Variants in OTOG observed in about 807,000 individuals in gnomAD.
OTOG encodes otogelin.
In OTOG, 296 loss-of-function variants were observed where a neutral mutation model predicts 313.8. That is an observed-to-expected ratio of 0.94 (90% CI 0.86 to 1.04). OTOG has a LOEUF of 1.04. Among genes scored for constraint, OTOG ranks in the 50% least tolerant of loss-of-function variants. OTOG has a pLI of 0.00. For synonymous variants in OTOG, 1,533 were observed against 1,554.9 expected (o/e 0.99, Z 0.33); for missense variants, 3,948 against 3,840.1 (o/e 1.03, Z -0.74).
intron 31 of OTOG, among the ~76,000 whole-genome samples, chr11:17,601,377 C>G (rs2134073562): frequency 6.6e-6 from 1 of 151,912 alleles, no homozygotes; most frequent in East Asian, 1.9e-4. Flanking sequence ...GGGAGGACTA[C>G]TCTGAGTGGG....
At chr11:17,631,563 C>T (rs940122925) in intron 40 of OTOG, 139 bp from the exon 41 acceptor site, 14 of 712,852 alleles carry the variant, frequency 2.0e-5, no homozygotes, top group Non-Finnish European at 3.1e-5. Context: ...CTTCCCTTCA[C>T]CTAATTTCCC....
rs1377852127 is a variant in OTOG at position 17,593,630 on chromosome 11, T to C, written c.3162T>C (p.Asp1054=). Residue 1054 remains aspartate (D), a synonymous_variant, in exon 27 of 56, where the codon GAT becomes GAC. Coordinates refer to ENST00000399397, the MANE Select transcript of OTOG (RefSeq NM_001292063.2). ...TCTAGAGTCCAGAGAGCTTCCTGGATGACAAGCAGGAGGTCCACACATGGC... is the reference window on the plus strand; with the variant it reads ...TCTAGAGTCCAGAGAGCTTCCTGGACGACAAGCAGGAGGTCCACACATGGC... The part of the protein sequence containing the change: ...SGNPSPESFL[D]DKQEVHTWRV... 6.5e-7 allele frequency: 1 copy of C among 1,548,906 alleles called. No individual in the cohort carries two copies. The highest frequency in any genetic ancestry group is 1.4e-5 in the African/African-American group (1 of 72,974).
Position 17,610,503 on chromosome 11 carries a change from G to A in OTOG, c.5203G>A (p.Gly1735Ser), listed in dbSNP as rs867268602. The A allele has an allele frequency of 1.3e-6, 2 of 1,550,450 alleles. No individual in the cohort carries two copies. The highest frequency in any genetic ancestry group is 1.7e-6 in the Non-Finnish European group (2 of 1,146,956). The change falls in exon 36 of 56, where the codon GGC becomes AGC. Residue 1735 changes from glycine (G) to serine (S), a missense_variant. Physicochemically the swap from Gly to Ser is moderately conservative, Grantham distance 56 (BLOSUM62 0). Transcript: ENST00000399397. ...CGAAGCCGGGCACAGCCAGCCCATG[G>A]GCTCGCCTGCCTCCCCACAGCCACA... The part of the protein sequence containing the change: ...KGEAGHSQPM[G>S]SPASPQPHPL...
intron 3 of OTOG, 70 bp from the exon 4 acceptor site, chr11:17,551,930 C>T (rs1851943473): frequency 7.1e-7 from 1 of 1,409,754 alleles, no homozygotes; most frequent in Non-Finnish European, 9.8e-7. Context: ...CTGTGGCCAC[C>T]AGGAAGCCTG....
At chr11:17,552,528 C>CTGTCCTGTGTCCCCCACCTGTCCTGTG (rs1851958432) in intron 4 of OTOG, among the ~76,000 whole-genome samples, 2 of 39,230 alleles carry the variant, frequency 5.1e-5, no homozygotes, top group Non-Finnish European at 4.5e-5. Flanking sequence ...CTGTTCCTAC[C>CTGTCCTGTGTCCCCCACCTGTCCTGTG]TCCCCCACCT....
At chr11:17,638,641 C>A in intron 48 of OTOG, 92 bp downstream of exon 48, 2 of 1,482,116 alleles carry the variant, frequency 1.3e-6, no homozygotes, top group Non-Finnish European at 1.8e-6. Context: ...ACCGTCCACT[C>A]CTCTCAGATC....
chr11:17,555,713 G>A (rs999690333), intron 6 of OTOG, 66 bp from the exon 7 acceptor site: 12 of 1,299,022 alleles, frequency 9.2e-6, no homozygotes, highest in African/African-American at 3.0e-5. Flanking sequence ...AACTCAATAA[G>A]GTGTGAAGCT....
In OTOG at chr11:17,610,033, C is replaced by T; in HGVS notation, c.4733C>T (p.Thr1578Ile). The T allele has an allele frequency of 6.5e-7, 1 of 1,549,282 alleles. No individual in the cohort carries two copies. The highest frequency in any genetic ancestry group is 8.7e-7 in the Non-Finnish European group (1 of 1,146,084). The change falls in exon 36 of 56, where the codon ACA becomes ATA. Residue 1578 changes from threonine (T) to isoleucine (I), a missense_variant. Physicochemically the swap from Thr to Ile is moderately conservative, Grantham distance 89. Coordinates refer to ENST00000399397, the MANE Select transcript of OTOG (RefSeq NM_001292063.2). ...SSLPVALQTP[T>I]PGMVSGAMET... is the part of the protein sequence containing the mutation. ...CTCCCTGTTGCACTGCAGACACCCA[C>T]ACCTGGCATGGTGTCAGGTGCCATG... is the stretch of plus-strand genomic sequence containing the variant.
At chr11:17,548,637 CA>C (rs1851864414) in intron 3 of OTOG, among the ~76,000 whole-genome samples, 1 of 151,990 alleles carries the variant, frequency 6.6e-6, no homozygotes, top group Admixed American at 6.5e-5. Flanking sequence ...AGAATGCAGG[CA>C]AGACAAAAAC....
At position 17,602,283 on chromosome 11, in the gene OTOG, C is replaced by CGAT. The variant is rs1565112437; in HGVS notation, c.3786_3788dup (p.Asp1263dup). 2 of 1,550,596 alleles carry CGAT rather than the reference C, an allele frequency of 1.3e-6. No individual in the cohort carries two copies. The highest frequency in any genetic ancestry group is 2.4e-5 in the South Asian group (2 of 84,058). On this transcript the variant is annotated inframe_insertion, in exon 32 of 56. Transcript: ENST00000399397. ...CTCTGGTGGGCATGAAGGCGGTGGG[C>CGAT]GATGACATAGTCCTAGTGAGGACAG...
intron 19 of OTOG, among the ~76,000 whole-genome samples, 181 bp downstream of exon 19, chr11:17,573,471 C>T (rs1852451338): frequency 6.6e-6 from 1 of 152,238 alleles, no homozygotes; most frequent in Non-Finnish European, 1.5e-5. Flanking sequence ...CCCTCCATCA[C>T]TCAGGCATAA....
intron 31 of OTOG, among the ~76,000 whole-genome samples, chr11:17,601,613 C>T (rs1853252462): frequency 1.6e-5 from 2 of 126,370 alleles, no homozygotes; most frequent in Admixed American, 2.0e-4. Context: ...GCTGGGAGGG[C>T]AGCTCAGCAG....
chr11:17,559,726 A>G, intron 12 of OTOG, 64 bp downstream of exon 12: 2 of 1,532,908 alleles, frequency 1.3e-6, no homozygotes, highest in African/African-American at 2.7e-5. Context: ...ATGGCCACGA[A>G]ACAGGAGTTC....
At chr11:17,557,783 T>C (rs1165805225) in intron 8 of OTOG, among the ~76,000 whole-genome samples, 3 of 152,158 alleles carry the variant, frequency 2.0e-5, no homozygotes, top group African/African-American at 7.2e-5. Context: ...TACACCATAC[T>C]AAACACTTTA....
chr11:17,551,032 G>A (rs1851919648), intron 3 of OTOG, among the ~76,000 whole-genome samples: 1 of 152,202 alleles, frequency 6.6e-6, no homozygotes, highest in South Asian at 2.1e-4. Context: ...AGGCTGACAT[G>A]TGAGGTAAAT....
intron 39 of OTOG, among the ~76,000 whole-genome samples, chr11:17,625,724 G>T (rs1055222458): frequency 2.6e-5 from 4 of 151,936 alleles, no homozygotes; most frequent in African/African-American, 7.3e-5. Context: ...TGTATGGTTT[G>T]CAAATATTTT....
chr11:17,586,517 C>G lies in OTOG; in HGVS notation c.2803C>G (p.Pro935Ala). Reference sequence around the variant, plus strand: ...TGCATGTTTCCTGCCAGAGGAGTGCCCCTGCACTTGGAAGGGGAAGGAGTA... The same window carrying G: ...TGCATGTTTCCTGCCAGAGGAGTGCGCCTGCACTTGGAAGGGGAAGGAGTA... ...GDACFLPEEC[P>A]CTWKGKEYFP... is the part of the protein sequence containing the mutation. The change falls in exon 24 of 56, where the codon CCC (proline) becomes GCC (alanine). Residue 935 changes from proline (P) to alanine (A), a missense_variant. Physicochemically the swap from Pro to Ala is conservative, Grantham distance 27 (BLOSUM62 -1). Transcript: ENST00000399397. The G allele has an allele frequency of 6.9e-7, 1 of 1,454,088 alleles. No individual in the cohort carries two copies. Among genetic ancestry groups the G allele is most frequent in the Non-Finnish European group, 9.1e-7 (1 of 1,098,644 alleles). 90.1% of individuals were successfully genotyped at this position (1,454,088 alleles called of 1,614,324 possible).
intron 24 of OTOG, among the ~76,000 whole-genome samples, chr11:17,587,886 G>A (rs1852837774): frequency 6.6e-6 from 1 of 152,124 alleles, no homozygotes; most frequent in Non-Finnish European, 1.5e-5. Flanking sequence ...TTTGCCCAGG[G>A]GTGCTCAGGC....
chr11:17,584,028 T>G (rs1036606193), intron 23 of OTOG, among the ~76,000 whole-genome samples: 1 of 152,232 alleles, frequency 6.6e-6, no homozygotes, highest in African/African-American at 2.4e-5. Context: ...TTACACATTT[T>G]TCATTGAATT....
Sources: allele counts gnomAD v4.1 joint callset (sites outside exome capture counted in the v4.1 genomes callset), GRCh38; gene constraint gnomAD v4.1.1; transcripts MANE v1.5; gene names NCBI Gene and HGNC (gene_info 2026-07-23, HGNC 2026-07-21).